Variants in XYLT1 observed in about 807,000 individuals in gnomAD.
XYLT1 encodes xylosyltransferase 1.
A neutral mutation model predicts 91.3 loss-of-function variants in XYLT1; 36 were observed. The ratio of observed to expected loss-of-function variants is 0.39; its 90% CI spans 0.30 to 0.52. The LOEUF (loss-of-function observed/expected upper bound fraction) is 0.52. Among genes scored for constraint, XYLT1 ranks in the 20% least tolerant of loss-of-function variants. The pLI, the probability that XYLT1 is intolerant of heterozygous loss-of-function variation, is 0.68. For missense variants in XYLT1, 1,242 were observed against 1,284.5 expected (o/e 0.97, Z 0.51); for synonymous variants, 588 against 532.0 (o/e 1.11, Z -1.45).
chr16:17,228,473 A>G (rs1240214947), intron 3 of XYLT1, among the ~76,000 whole-genome samples: 1 of 152,144 alleles, frequency 6.6e-6, no homozygotes, highest in African/African-American at 2.4e-5. Flanking sequence ...ATGGGCACAG[A>G]ACGGTGATGG....
chr16:17,162,046 T>C (rs1353893703), intron 5 of XYLT1, among the ~76,000 whole-genome samples: 1 of 152,236 alleles, frequency 6.6e-6, no homozygotes, highest in Non-Finnish European at 1.5e-5. Context: ...ATGTGCACCA[T>C]GCCCTAGGCC....
chr16:17,258,107 C>T (rs2033663963), intron 3 of XYLT1, among the ~76,000 whole-genome samples: 1 of 150,968 alleles, frequency 6.6e-6, no homozygotes, highest in African/African-American at 2.4e-5. Flanking sequence ...AAAAGAGTGC[C>T]AGTGAAGGGA....
In XYLT1 at chr16:17,340,389, T is replaced by A. The variant is rs367948985; in HGVS notation, c.402+17623A>T. Among the ~76,000 whole-genome samples the A allele has an allele frequency of 8.7e-4, 133 of 152,382 alleles. 1 individual carries two copies. The highest frequency in any genetic ancestry group is 3.0e-3 in the African/African-American group (125 of 41,600). ...CTGAACACAGAGCTCTGTCTCCAGC[T>A]GCCACCACATGGGCTGGGGCCCCAA... On this transcript the variant is annotated intron_variant, in intron 2 of 11. Coordinates refer to ENST00000261381, the MANE Select transcript of XYLT1 (RefSeq NM_022166.4).
chr16:17,136,896 T>TA lies in XYLT1; in HGVS notation c.1764+1458_1764+1459insT, dbSNP rs545947423. On this transcript the variant is annotated intron_variant, in intron 8 of 11. Transcript: ENST00000261381. ...TTGTGCCTGGGGGAGTGCAGGGCTC[T>TA]GGGAATCAGCACGTGGAGGTTTTGT... 3.0e-4 allele frequency among the ~76,000 whole-genome samples: 46 copies of TA among 152,226 alleles called. No homozygotes were observed. The South Asian group carries it at 9.4e-3, about 31-fold the overall frequency.
chr16:17,412,037 G>C (rs1307588616), intron 1 of XYLT1, among the ~76,000 whole-genome samples: 2 of 151,964 alleles, frequency 1.3e-5, no homozygotes, highest in East Asian at 3.9e-4. Flanking sequence ...CATAAAAGGG[G>C]GAACAAGATC....
intron 1 of XYLT1, among the ~76,000 whole-genome samples, chr16:17,460,510 A>G (rs1180607935): frequency 6.6e-6 from 1 of 152,190 alleles, no homozygotes; most frequent in Non-Finnish European, 1.5e-5. Flanking sequence ...CCACATGGGA[A>G]TAGGGTAACC....
rs908723802 is a variant in XYLT1 at position 17,104,149 on chromosome 16, A to C, written c.*4546T>G. Reference sequence around the variant, plus strand: ...ACATCCCGTGAGCCAGCACAGCTCTATGTGGTTTCCAAAGAGGCTTCCAGG... The same window carrying C: ...ACATCCCGTGAGCCAGCACAGCTCTCTGTGGTTTCCAAAGAGGCTTCCAGG... On this transcript the variant is annotated 3_prime_UTR_variant, in exon 12 of 12. Coordinates refer to ENST00000261381, the MANE Select transcript of XYLT1 (RefSeq NM_022166.4). 1 of 152,748 alleles carries C rather than the reference A, an allele frequency of 6.5e-6. No homozygotes were observed. Among genetic ancestry groups the C allele is most frequent in the Non-Finnish European group, 1.5e-5 (1 of 68,148 alleles). 9.5% of individuals were successfully genotyped at this position (152,748 alleles called of 1,614,324 possible).
intron 3 of XYLT1, among the ~76,000 whole-genome samples, chr16:17,222,952 C>T (rs578090692): frequency 6.6e-6 from 1 of 150,982 alleles, no homozygotes; most frequent in South Asian, 2.1e-4. Flanking sequence ...GAACACCAAG[C>T]GGGGGCTGGG....
Position 17,206,315 on chromosome 16 carries a change from G to T in XYLT1, c.914-5661C>A, listed in dbSNP as rs1054200840. On this transcript the variant is annotated intron_variant, in intron 3 of 11. Transcript: ENST00000261381. ...GGGTGGGAGATGCCTTTATCCTAGT[G>T]GGAAATTTTAAAAGAGGTTTTCTGG... 7.9e-5 allele frequency among the ~76,000 whole-genome samples: 12 copies of T among 152,040 alleles called. No individual in the cohort carries two copies. In the South Asian group the frequency reaches 1.2e-3, roughly 16 times the overall value.
chr16:17,138,872 G>T, intron 7 of XYLT1: 1 of 194,940 alleles, frequency 5.1e-6, no homozygotes. Flanking sequence ...CGGATGCTCT[G>T]TCCAACAGAC....
chr16:17,285,900 G>A (rs1256619948), intron 2 of XYLT1, among the ~76,000 whole-genome samples: 3 of 142,130 alleles, frequency 2.1e-5, no homozygotes, highest in African/African-American at 8.2e-5. Flanking sequence ...GTGTGTGTGT[G>A]TGTGTGTGTG....
intron 11 of XYLT1, among the ~76,000 whole-genome samples, chr16:17,115,813 A>AAAAAG (rs1158531886): frequency 1.3e-5 from 2 of 148,688 alleles, no homozygotes. Context: ...AAAAAAAAAA[A>AAAAAG]AAAAAAAAAA....
intron 3 of XYLT1, among the ~76,000 whole-genome samples, chr16:17,258,001 T>C (rs1207096854): frequency 6.6e-6 from 1 of 152,272 alleles, no homozygotes; most frequent in African/African-American, 2.4e-5. Context: ...CATCTTCAGA[T>C]GGCCCCTCCA....
intron 5 of XYLT1, among the ~76,000 whole-genome samples, chr16:17,161,457 G>T (rs761490781): frequency 2.3e-4 from 35 of 152,082 alleles, no homozygotes; most frequent in Non-Finnish European, 4.1e-4. Flanking sequence ...CTAGGGTCTC[G>T]GGCCCCTCGC....
chr16:17,293,488 C>T (rs1596469004), intron 2 of XYLT1, among the ~76,000 whole-genome samples: 1 of 136,846 alleles, frequency 7.3e-6, no homozygotes, highest in Admixed American at 7.5e-5. Flanking sequence ...GATTTTCTCC[C>T]TCCTTTTTTT....
At chr16:17,359,598 G>A (rs116057771) in intron 1 of XYLT1, among the ~76,000 whole-genome samples, 3,150 of 152,254 alleles carry the variant, frequency 0.021, 103 homozygotes, top group African/African-American at 0.07. Context: ...ACTGCCAAGA[G>A]AACATCCCAC....
intron 3 of XYLT1, among the ~76,000 whole-genome samples, chr16:17,217,558 C>G (rs933455759): frequency 6.6e-6 from 1 of 152,232 alleles, no homozygotes; most frequent in African/African-American, 2.4e-5. Flanking sequence ...GGCATTCTCT[C>G]TTTCCTTCCT....
intron 3 of XYLT1, among the ~76,000 whole-genome samples, chr16:17,221,632 G>A (rs371449029): frequency 1.3e-5 from 2 of 152,208 alleles, no homozygotes; most frequent in African/African-American, 2.4e-5. Flanking sequence ...CCAGCTCTTC[G>A]GGAGGCTGAG....
At chr16:17,259,602 A>G in intron 2 of XYLT1, 104 bp from the exon 3 acceptor site, 3 of 1,340,074 alleles carry the variant, frequency 2.2e-6, no homozygotes, top group Non-Finnish European at 3.1e-6. Flanking sequence ...AGCCGGGGCC[A>G]TAGTTTCACA....
Sources: gnomAD v4.1 joint callset for allele counts (sites outside exome capture counted in the v4.1 genomes callset) on GRCh38, gnomAD v4.1.1 for gene constraint, MANE v1.5 for transcripts, NCBI Gene and HGNC (gene_info 2026-07-23, HGNC 2026-07-21) for gene names.